The following STARD9 variants were observed in gnomAD, a reference collection of about 807,000 sequenced individuals.
STARD9 encodes stAR-related lipid transfer protein 9.
STARD9 carries 346 observed loss-of-function variants against 399.8 expected under a neutral mutation model. The ratio of observed to expected loss-of-function variants is 0.87; its 90% CI spans 0.79 to 0.95. The LOEUF is 0.95. Among genes scored for constraint, STARD9 ranks in the 40% least tolerant of loss-of-function variants. The pLI, the probability that STARD9 is intolerant of heterozygous loss-of-function variation, is 0.00. For synonymous variants in STARD9, 2,203 were observed against 2,143.5 expected, an observed-to-expected ratio of 1.03 and a Z score of -0.77; for missense variants, 5,832 against 5,667.5, an observed-to-expected ratio of 1.03 and a Z score of -0.93.
At chr15:42,579,900 G>C (rs1296039024) in intron 1 of STARD9, among the ~76,000 whole-genome samples, 1 of 152,168 alleles carries the variant, frequency 6.6e-6, no homozygotes, top group Non-Finnish European at 1.5e-5. Flanking sequence ...ACAATACTAT[G>C]ATCAGGCGTT....
intron 32 of STARD9, 86 bp downstream of exon 32, chr15:42,718,996 A>AG: frequency 7.8e-7 from 1 of 1,276,756 alleles, no homozygotes; most frequent in Non-Finnish European, 1.1e-6. Flanking sequence ...GCTTTTGAAC[A>AG]CCCTCCAGTG....
At chr15:42,620,489 A>AT (rs2059067468) in intron 3 of STARD9, among the ~76,000 whole-genome samples, 2 of 152,084 alleles carry the variant, frequency 1.3e-5, no homozygotes, top group African/African-American at 4.8e-5. Flanking sequence ...CAAAAAAAAA[A>AT]AATTTTCAGG....
In STARD9 at chr15:42,690,314, T is replaced by C. The variant is rs1364443913; in HGVS notation, c.8736T>C (p.Ile2912=). 2 of 1,537,242 alleles carry C rather than the reference T, an allele frequency of 1.3e-6. No individual in the cohort carries two copies. The highest frequency in any genetic ancestry group is 1.7e-6 in the Non-Finnish European group (2 of 1,146,916). Residue 2912 remains isoleucine (I), a synonymous_variant, in exon 23 of 33, where the codon ATT becomes ATC. Transcript: ENST00000290607. Reference sequence around the variant, plus strand: ...GACCAAGCGCAAATCCTGGGGGAATTGGGGAGGAAGCCCCATGTAGACACC... The same window carrying C: ...GACCAAGCGCAAATCCTGGGGGAATCGGGGAGGAAGCCCCATGTAGACACC... ...DQRPSANPGG[I]GEEAPCRHPR...
In STARD9 at chr15:42,663,215, G is replaced by A. The variant is rs571376850; in HGVS notation, c.869-66G>A. The stretch of plus-strand genomic sequence containing the variant: ...CTTAAGTCTGTGTTCTCCAACCATT[G>A]TTTTGTTTTAATATATTTGCTTCAT... On this transcript the variant is annotated intron_variant, in intron 11 of 32. Transcript: ENST00000290607. 1.2e-5 allele frequency: 16 copies of A among 1,377,030 alleles called. No homozygotes were observed. The East Asian group carries it at 3.3e-4, about 28-fold the overall frequency. 85.3% of individuals were successfully genotyped at this position (1,377,030 alleles called of 1,614,324 possible).
intron 3 of STARD9, among the ~76,000 whole-genome samples, chr15:42,607,194 CTTTTT>C (rs763484090): frequency 7.6e-5 from 3 of 39,262 alleles, no homozygotes; most frequent in East Asian, 1.1e-3. Flanking sequence ...TTTTCTGGTG[CTTTTT>C]TTTTTTTTTT....
At chr15:42,656,716 T>A (rs989637878) in intron 9 of STARD9, among the ~76,000 whole-genome samples, 5 of 152,108 alleles carry the variant, frequency 3.3e-5, no homozygotes, top group African/African-American at 1.2e-4. Flanking sequence ...AAGTTAAGTG[T>A]CTCAGGAATG....
chr15:42,584,651 G>A (rs2141666327), intron 2 of STARD9, among the ~76,000 whole-genome samples: 1 of 152,130 alleles, frequency 6.6e-6, no homozygotes, highest in East Asian at 1.9e-4. Flanking sequence ...CTCAGTACCT[G>A]GAGGTCAGTG....
intron 26 of STARD9, among the ~76,000 whole-genome samples, chr15:42,705,855 C>T (rs545694138): frequency 5.8e-4 from 89 of 152,218 alleles, no homozygotes; most frequent in Admixed American, 1.6e-3. Flanking sequence ...TGGGTTCAAG[C>T]GATTCTCTTG....
At chr15:42,579,349 C>A (rs1306453934) in intron 1 of STARD9, among the ~76,000 whole-genome samples, 1 of 152,158 alleles carries the variant, frequency 6.6e-6, no homozygotes, top group Non-Finnish European at 1.5e-5. Context: ...ACAGCAGACT[C>A]GCCTGTGAAC....
chr15:42,675,418 A>C, intron 18 of STARD9: 1 of 521,134 alleles, frequency 1.9e-6, no homozygotes, highest in Non-Finnish European at 3.4e-6. Flanking sequence ...TCTTCCATCA[A>C]GTGTTCCCTG....
At chr15:42,653,559 C>T (rs544134409) in intron 9 of STARD9, among the ~76,000 whole-genome samples, 8 of 152,010 alleles carry the variant, frequency 5.3e-5, no homozygotes, top group Admixed American at 2.0e-4. Flanking sequence ...AGAACAATTA[C>T]GTGATGAATG....
intron 20 of STARD9, 75 bp downstream of exon 20, chr15:42,676,050 T>TGGGGG: frequency 6.4e-6 from 1 of 155,364 alleles, no homozygotes; most frequent in Non-Finnish European, 1.2e-5. Flanking sequence ...TGGATCAGGG[T>TGGGGG]GGGGGTGGGG....
chr15:42,691,602 G>A lies in STARD9; in HGVS notation c.10024G>A (p.Val3342Met). 1 of 1,537,266 alleles carries A rather than the reference G, an allele frequency of 6.5e-7. No homozygotes were observed. The highest frequency in any genetic ancestry group is 1.4e-5 in the African/African-American group (1 of 73,168). ...SRSLQELNLS[V>M]EPPSPTDEDT... is the part of the protein sequence containing the mutation. Reference sequence around the variant, plus strand: ...TTCTCTTCAGGAGCTGAACTTGAGTGTGGAGCCTCCTTCCCCTACAGACGA... The same window carrying A: ...TTCTCTTCAGGAGCTGAACTTGAGTATGGAGCCTCCTTCCCCTACAGACGA... The change falls in exon 23 of 33, where the codon GTG becomes ATG. Residue 3342 changes from valine to methionine, a missense_variant. By Grantham distance (21) the Val-to-Met change is conservative. This residue lies in a region of STARD9 where 5,828 missense variants were observed against 5,651.1 expected (regional missense o/e 1.03). Transcript: ENST00000290607.
intron 7 of STARD9, among the ~76,000 whole-genome samples, chr15:42,642,756 C>A (rs1325467554): frequency 6.6e-6 from 1 of 152,088 alleles, no homozygotes; most frequent in East Asian, 1.9e-4. Flanking sequence ...AATAGATATT[C>A]TATATGCTTC....
chr15:42,596,389 T>G (rs982947387), intron 3 of STARD9, among the ~76,000 whole-genome samples: 1 of 152,214 alleles, frequency 6.6e-6, no homozygotes, highest in Non-Finnish European at 1.5e-5. Flanking sequence ...TGTCAATTAA[T>G]TGCTTGAGGA....
chr15:42,692,058 G>A lies in STARD9; in HGVS notation c.10480G>A (p.Val3494Ile), dbSNP rs143444286. The change falls in exon 23 of 33, where the codon GTT (valine) becomes ATT (isoleucine). Residue 3494 changes from valine to isoleucine, a missense_variant. Physicochemically the swap from Val to Ile is conservative, Grantham distance 29 (BLOSUM62 3). Transcript: ENST00000290607. The part of the protein sequence containing the change: ...KQYMSGSAVD[V>I]SCSQKPQGLT... ...GTATATGTCTGGCAGTGCAGTCGATGTTTCCTGCAGCCAGAAGCCCCAGGG... is the reference window on the plus strand; with the variant it reads ...GTATATGTCTGGCAGTGCAGTCGATATTTCCTGCAGCCAGAAGCCCCAGGG... 537 of 1,537,244 alleles carry A rather than the reference G, an allele frequency of 3.5e-4. 1 individual carries two copies. In the African/African-American group the frequency reaches 6.6e-3, roughly 19 times the overall value.
chr15:42,703,910 T>C (rs2140348152), intron 26 of STARD9, among the ~76,000 whole-genome samples: 1 of 152,130 alleles, frequency 6.6e-6, no homozygotes, highest in Admixed American at 6.5e-5. Context: ...TATTATTTAC[T>C]TATTTATTTA....
intron 4 of STARD9, among the ~76,000 whole-genome samples, chr15:42,635,463 G>C (rs1050657935): frequency 6.6e-6 from 1 of 151,928 alleles, no homozygotes; most frequent in African/African-American, 2.4e-5. Flanking sequence ...CAGAGTAGCT[G>C]GGACTACAGG....
intron 26 of STARD9, among the ~76,000 whole-genome samples, chr15:42,711,139 CTTT>C (rs1253145945): frequency 5.0e-5 from 7 of 140,034 alleles, no homozygotes; most frequent in Non-Finnish European, 1.6e-5. Context: ...TACCACATAA[CTTT>C]TTTTTTTTTT....
Sources: gnomAD v4.1 joint callset for allele counts (sites outside exome capture counted in the v4.1 genomes callset) on GRCh38, gnomAD v4.1.1 for gene constraint, gnomAD v4.1.1 regional missense constraint, MANE v1.5 for transcripts, NCBI Gene and HGNC (gene_info 2026-07-23, HGNC 2026-07-21) for gene names.